Variants in NDE1 observed in about 807,000 individuals in gnomAD.
NDE1 encodes the protein nuclear distribution protein nudE homolog 1.
In NDE1, 28 loss-of-function variants were observed where a neutral mutation model predicts 43.4. That is an observed-to-expected ratio of 0.65 (90% CI 0.48 to 0.89). The LOEUF is 0.89. Ranked by LOEUF, NDE1 falls within the 40% of genes least tolerant of loss-of-function variation. The pLI, the probability that NDE1 is intolerant of heterozygous loss-of-function variation, is 0.00. For synonymous variants in NDE1, 184 were observed against 172.0 expected, an observed-to-expected ratio of 1.07 and a Z score of -0.55; for missense variants, 441 against 434.1, an observed-to-expected ratio of 1.02 and a Z score of -0.14.
chr16:15,708,794 G>A, intron 8 of NDE1: 1 of 1,606,222 alleles, frequency 6.2e-7, no homozygotes. Flanking sequence ...GAAGCTGAAG[G>A]CATGATACCT....
chr16:15,661,070 G>A (rs1029680708), intron 1 of NDE1, among the ~76,000 whole-genome samples: 4 of 151,902 alleles, frequency 2.6e-5, no homozygotes, highest in Admixed American at 2.6e-4. Context: ...GCATCTTGGT[G>A]TGTCATGGAC....
intron 4 of NDE1, among the ~76,000 whole-genome samples, chr16:15,679,396 GCT>G (rs2038059590): frequency 1.3e-5 from 2 of 152,048 alleles, no homozygotes; most frequent in Admixed American, 6.6e-5. Flanking sequence ...GGTTCCTAAG[GCT>G]CTCTTCATTT....
chr16:15,694,191 C>G lies in NDE1; in HGVS notation c.730C>G (p.Pro244Ala). ...CCTGGACGACTCCACCGGGGGGACC[C>G]CCCTCACACCTGCGGCCCGGATATC... Reference protein sequence around the residue: ...RGLDDSTGGTPLTPAARISAL... With the variant: ...RGLDDSTGGTALTPAARISAL... Residue 244 changes from proline to alanine, a missense_variant, in exon 7 of 9, where the codon CCC (proline) becomes GCC (alanine). Transcript: ENST00000396354. The G allele has an allele frequency of 6.2e-7, 1 of 1,613,082 alleles. No homozygotes were observed. Among genetic ancestry groups the G allele is most frequent in the Non-Finnish European group, 8.5e-7 (1 of 1,180,026 alleles).
At chr16:15,719,401 A>G in intron 8 of NDE1, 11 of 1,497,776 alleles carry the variant, frequency 7.3e-6, no homozygotes, top group South Asian at 1.1e-5. Context: ...TTGAAAGTAC[A>G]TGTTCTTCCT....
At position 15,694,748 on chromosome 16, in the gene NDE1, C is replaced by A. The variant is rs1394041516; in HGVS notation, c.795+492C>A. 4.1e-6 allele frequency: 4 copies of A among 985,370 alleles called. No homozygotes were observed. The African/African-American group carries it at 7.0e-5, about 17-fold the overall frequency. 61.0% of individuals were successfully genotyped at this position (985,370 alleles called of 1,614,324 possible). ...GGGAGTTACTGCCAGACACTCAGAGCTCTGACTCGAAGCCCTGCTCTGAAC... is the reference window on the plus strand; with the variant it reads ...GGGAGTTACTGCCAGACACTCAGAGATCTGACTCGAAGCCCTGCTCTGAAC... On this transcript the variant is annotated intron_variant, in intron 7 of 8. Coordinates refer to ENST00000396354, the MANE Select transcript of NDE1 (RefSeq NM_017668.3).
Position 15,650,255 on chromosome 16 carries a change from C to T in NDE1, c.-83C>T, listed in dbSNP as rs769159646. 9.9e-5 allele frequency: 30 copies of T among 304,508 alleles called. No individual in the cohort carries two copies. In the East Asian group the frequency reaches 3.4e-3, roughly 34 times the overall value. 18.9% of individuals were successfully genotyped at this position (304,508 alleles called of 1,614,324 possible). On this transcript the variant is annotated 5_prime_UTR_variant, in exon 1 of 9. Transcript: ENST00000396354. Reference sequence around the variant, plus strand: ...GCCGCACCGCCCTTCGCAGCCGCCTCTGCCGCCGCCGCCGCGTTGGCCTCG... The same window carrying T: ...GCCGCACCGCCCTTCGCAGCCGCCTTTGCCGCCGCCGCCGCGTTGGCCTCG...
chr16:15,714,526 C>T, intron 8 of NDE1: 1 of 366,088 alleles, frequency 2.7e-6, no homozygotes. Context: ...AGGAGCAGAG[C>T]ATGTCAGGAA....
At chr16:15,666,824 A>G (rs945889226) in intron 2 of NDE1, among the ~76,000 whole-genome samples, 3 of 152,104 alleles carry the variant, frequency 2.0e-5, no homozygotes, top group African/African-American at 7.2e-5. Flanking sequence ...AGGTCTTACT[A>G]TGTTGCCCTG....
intron 8 of NDE1, chr16:15,721,233 A>G (rs1236845058): frequency 4.0e-5 from 37 of 931,226 alleles, no homozygotes; most frequent in Non-Finnish European, 5.2e-5. Context: ...CGGACCCCCC[A>G]ACTCAGACCC....
intron 8 of NDE1, chr16:15,700,217 C>A (rs1003229878): frequency 3.3e-6 from 2 of 604,724 alleles, no homozygotes; most frequent in Non-Finnish European, 4.2e-6. Context: ...GTTCCTGAGT[C>A]TTCCAGGTAG....
At chr16:15,703,799 G>T in intron 8 of NDE1, 3 of 749,046 alleles carry the variant, frequency 4.0e-6, no homozygotes. Flanking sequence ...CGTTGCCCAG[G>T]CTGGAGGGTG....
At chr16:15,694,417 CT>C in intron 7 of NDE1, 161 bp downstream of exon 7, 1 of 1,488,470 alleles carries the variant, frequency 6.7e-7, no homozygotes, top group Non-Finnish European at 9.0e-7. Flanking sequence ...ATGATCACAA[CT>C]CACTGCAGCC....
rs139354226 is a variant in NDE1 at position 15,722,726 on chromosome 16, C to G, written c.948-1465C>G. Among the ~76,000 whole-genome samples the G allele has an allele frequency of 2.4e-3, 372 of 152,232 alleles. 2 individuals are homozygous for G. The highest frequency in any genetic ancestry group is 3.5e-3 in the Non-Finnish European group (235 of 68,008). Reference sequence around the variant, plus strand: ...AACCTGCAGGCATCTGGCATTTAGCCTCACTGTACAATCCTCATTTTATTT... The same window carrying G: ...AACCTGCAGGCATCTGGCATTTAGCGTCACTGTACAATCCTCATTTTATTT... On this transcript the variant is annotated intron_variant, in intron 8 of 8. Coordinates refer to ENST00000396354, the MANE Select transcript of NDE1 (RefSeq NM_017668.3).
chr16:15,682,959 C>A (rs1249262015), intron 4 of NDE1, among the ~76,000 whole-genome samples: 1 of 152,092 alleles, frequency 6.6e-6, no homozygotes, highest in Non-Finnish European at 1.5e-5. Context: ...ACCACCTCGG[C>A]CTCCCAAAGT....
intron 8 of NDE1, chr16:15,717,623 C>T (rs928382430): frequency 7.2e-6 from 4 of 555,432 alleles, no homozygotes; most frequent in Admixed American, 3.1e-5. Context: ...GGTGAAACCC[C>T]GTCTCTATTA....
In NDE1 at chr16:15,725,781, A is replaced by G. The variant is rs915011385; in HGVS notation, c.*1530A>G. ...CCCCATGAGTGGCAAGGCAGGGTAAATGGCTATGCCAAGTGAAAGAAGACC... is the reference window on the plus strand; with the variant it reads ...CCCCATGAGTGGCAAGGCAGGGTAAGTGGCTATGCCAAGTGAAAGAAGACC... On this transcript the variant is annotated 3_prime_UTR_variant, in exon 9 of 9. Transcript: ENST00000396354. 3.3e-5 allele frequency: 13 copies of G among 398,558 alleles called. No individual in the cohort carries two copies. The Admixed American group carries it at 5.7e-4, about 18-fold the overall frequency. The allele number at this position is 398,558 out of a possible 1,614,324, so 24.7% of individuals were successfully genotyped here. A position where few individuals can be genotyped will look rare whatever the true frequency, so the allele number is the denominator to read the frequency against.
In NDE1 at chr16:15,715,751, A is replaced by G. The variant is rs567217741; in HGVS notation, c.948-8440A>G. Among the ~76,000 whole-genome samples the G allele has an allele frequency of 2.0e-4, 30 of 152,132 alleles. 1 individual carries two copies. The South Asian group carries it at 5.8e-3, about 30-fold the overall frequency. ...CAGCCTTGAACTCCTGGCTCAAGCA[A>G]TCCTCCCACCTCAGCCTCCCAAGTA... On this transcript the variant is annotated intron_variant, in intron 8 of 8. Transcript: ENST00000396354.
Position 15,721,668 on chromosome 16 carries a change from A to T in NDE1, c.948-2523A>T, listed in dbSNP as rs187033824. 54 of 1,610,164 alleles carry T rather than the reference A, an allele frequency of 3.4e-5. No individual in the cohort carries two copies. In the East Asian group the frequency reaches 7.1e-4, roughly 21 times the overall value. On this transcript the variant is annotated intron_variant, in intron 8 of 8. Coordinates refer to ENST00000396354, the MANE Select transcript of NDE1 (RefSeq NM_017668.3). ...CAAGACCCAGAGGTGACTTCTAGGCATATCCGGGGTCAGCGTCACTGAATT... is the reference window on the plus strand; with the variant it reads ...CAAGACCCAGAGGTGACTTCTAGGCTTATCCGGGGTCAGCGTCACTGAATT...
chr16:15,703,764 T>G (rs1486615063), intron 8 of NDE1: 5 of 593,266 alleles, frequency 8.4e-6, no homozygotes, highest in African/African-American at 1.9e-5. Context: ...TATTTTTAAA[T>G]TCTTGTATAG....
Sources: allele counts gnomAD v4.1 joint callset (sites outside exome capture counted in the v4.1 genomes callset), GRCh38; gene constraint gnomAD v4.1.1; transcripts MANE v1.5; gene names NCBI Gene and HGNC (gene_info 2026-07-23, HGNC 2026-07-21).